RAD54L2: variants seen among roughly 807,000 people sequenced by gnomAD.
The protein encoded by RAD54L2 is helicase ARIP4.
In RAD54L2, 27 loss-of-function variants were observed where a neutral mutation model predicts 138.4. The ratio of observed to expected loss-of-function variants is 0.20; its 90% confidence interval spans 0.14 to 0.27. The LOEUF is 0.27. Among genes scored for constraint, RAD54L2 ranks in the 10% least tolerant of loss-of-function variants. The pLI is 1.00. For synonymous variants in RAD54L2, 644 were observed against 723.2 expected, an observed-to-expected ratio of 0.89 and a Z score of 1.76; for missense variants, 1,396 against 1,890.2, an observed-to-expected ratio of 0.74 and a Z score of 4.85.
intron 2 of RAD54L2, among the ~76,000 whole-genome samples, chr3:51,582,588 T>C (rs1699632246): frequency 7.2e-6 from 1 of 139,144 alleles, no homozygotes; most frequent in South Asian, 2.2e-4. Context: ...CAACTCTGCC[T>C]TTTTTTTTTT....
rs1380993313 is a variant in RAD54L2 at position 51,640,128 on chromosome 3, T to C, written c.2231+129T>C. ...TGTGAGGACCTTCTTGCATGTTGTC[T>C]GTCTCTTGGAGTTTCTTTCATTGCC... On this transcript the variant is annotated intron_variant, in intron 14 of 22. Coordinates refer to ENST00000684192, the MANE Select transcript of RAD54L2 (RefSeq NM_015106.4). 4.6e-6 allele frequency: 3 copies of C among 646,860 alleles called. No homozygotes were observed. In the East Asian group the frequency reaches 8.4e-5, roughly 18 times the overall value. 40.1% of individuals were successfully genotyped at this position (646,860 alleles called of 1,614,324 possible).
At chr3:51,642,680 GTCCC>G (rs1701170133) in intron 15 of RAD54L2, among the ~76,000 whole-genome samples, 1 of 152,152 alleles carries the variant, frequency 6.6e-6, no homozygotes, top group Admixed American at 6.5e-5. Flanking sequence ...ATTGCAAAAT[GTCCC>G]GTGGGGAGTG....
In RAD54L2 at chr3:51,643,966, C is replaced by T; in HGVS notation, c.2442C>T (p.Leu814=). 2 of 1,598,702 alleles carry T rather than the reference C, an allele frequency of 1.3e-6. No homozygotes were observed. Among genetic ancestry groups the T allele is most frequent in the Admixed American group, 1.7e-5 (1 of 57,942 alleles). ...PSNLTTWLFL[L]STRAGCLGVN... ...ACCTCACCACCTGGCTGTTCCTTCT[C>T]TCTACAAGGTGAGTGGATCCCAAGA... The change falls in exon 16 of 23, where the codon CTC becomes CTT. Residue 814 remains leucine, a synonymous_variant. Transcript: ENST00000684192.
At chr3:51,561,546 A>G (rs1010083429) in intron 2 of RAD54L2, among the ~76,000 whole-genome samples, 1 of 151,378 alleles carries the variant, frequency 6.6e-6, no homozygotes, top group Admixed American at 6.6e-5. Flanking sequence ...CGCCCGGCCG[A>G]AATTCCCTTT....
intron 3 of RAD54L2, among the ~76,000 whole-genome samples, chr3:51,621,591 T>A (rs568105786): frequency 2.6e-5 from 4 of 152,156 alleles, no homozygotes; most frequent in East Asian, 1.9e-4. Flanking sequence ...TGGCAAAAAG[T>A]TCCCCCCTGC....
At chr3:51,575,602 T>C (rs1270969577) in intron 2 of RAD54L2, among the ~76,000 whole-genome samples, 1 of 152,178 alleles carries the variant, frequency 6.6e-6, no homozygotes, top group Admixed American at 6.5e-5. Flanking sequence ...TTTATTCCCT[T>C]TGTAGCAATT....
chr3:51,591,328 G>A (rs1163543812), intron 3 of RAD54L2, among the ~76,000 whole-genome samples: 1 of 152,212 alleles, frequency 6.6e-6, no homozygotes, highest in Non-Finnish European at 1.5e-5. Flanking sequence ...TACTGACTGA[G>A]GAATAGGGTT....
At chr3:51,541,152 G>A (rs1409113870) in intron 1 of RAD54L2, 4 of 151,796 alleles carry the variant, frequency 2.6e-5, no homozygotes, top group Admixed American at 6.6e-5. Context: ...CCTCAAAAAT[G>A]CTGATGATAT....
chr3:51,663,119 C>T lies in RAD54L2; in HGVS notation c.4103C>T (p.Ser1368Phe), dbSNP rs1435884733. The change falls in exon 23 of 23, where the codon TCC becomes TTC. Residue 1368 changes from serine (S) to phenylalanine (F), a missense_variant. Physicochemically the swap from Ser to Phe is radical, Grantham distance 155. Around this residue, in one of 7 missense-constraint regions of RAD54L2, gnomAD observed 634 missense variants for 711.2 expected, o/e 0.89. Coordinates refer to ENST00000684192, the MANE Select transcript of RAD54L2 (RefSeq NM_015106.4). ...ACCTCAGTCACTGCCAGCAACCCCT[C>T]CTTCATGCTCAACCCTTCTGTGCCA... ...TATSVTASNP[S>F]FMLNPSVPGI... 1.2e-6 allele frequency: 2 copies of T among 1,614,020 alleles called. No individual in the cohort carries two copies. Among genetic ancestry groups the T allele is most frequent in the Admixed American group, 3.3e-5 (2 of 60,034 alleles).
rs141963567 is a variant in RAD54L2, at chr3:51,558,935, A to G, written c.-55+17285A>G. On this transcript the variant is annotated intron_variant, in intron 2 of 22. Transcript: ENST00000684192. ...CTTGCCCAGGCTGGAGTGCAGTGGC[A>G]TGATCTTGGCTTACTGCATTCTCTG... is the stretch of plus-strand genomic sequence containing the variant. Among the ~76,000 whole-genome samples, 652 of 152,150 alleles carry G rather than the reference A, an allele frequency of 4.3e-3. 4 individuals carry two copies. The highest frequency in any genetic ancestry group is 0.015 in the African/African-American group (622 of 41,508).
intron 2 of RAD54L2, among the ~76,000 whole-genome samples, chr3:51,566,763 T>C (rs925419789): frequency 6.6e-6 from 1 of 152,140 alleles, no homozygotes; most frequent in East Asian, 1.9e-4. Context: ...GGTTGAGATA[T>C]GTGCCTGAGC....
intron 14 of RAD54L2, among the ~76,000 whole-genome samples, chr3:51,641,326 T>A (rs1196536043): frequency 6.9e-6 from 1 of 144,258 alleles, no homozygotes; most frequent in Admixed American, 7.0e-5. Flanking sequence ...CCTTTTTTTT[T>A]TTTTTCTCCT....
chr3:51,587,555 AAAATTT>A (rs1173684928), intron 2 of RAD54L2, among the ~76,000 whole-genome samples: 3 of 152,156 alleles, frequency 2.0e-5, no homozygotes. Context: ...TATTAATGCA[AAAATTT>A]AAATTTTATT....
intron 3 of RAD54L2, among the ~76,000 whole-genome samples, chr3:51,619,304 G>A (rs952158963): frequency 6.6e-6 from 1 of 152,164 alleles, no homozygotes; most frequent in Non-Finnish European, 1.5e-5. Context: ...TGATCCGTCT[G>A]CCTTGGCCTC....
chr3:51,590,823 T>C (rs1386941035), intron 3 of RAD54L2, among the ~76,000 whole-genome samples: 1 of 152,196 alleles, frequency 6.6e-6, no homozygotes, highest in African/African-American at 2.4e-5. Context: ...GGTCCAGAGA[T>C]TCGAGTGTTG....
At chr3:51,657,504 G>A (rs1701633190) in intron 20 of RAD54L2, 76 bp from the exon 21 acceptor site, 4 of 940,522 alleles carry the variant, frequency 4.3e-6, no homozygotes, top group Non-Finnish European at 6.7e-6. Context: ...TGGGGTAGAT[G>A]TGGGACTTTG....
intron 3 of RAD54L2, among the ~76,000 whole-genome samples, chr3:51,609,148 A>G (rs796625640): frequency 1.2e-4 from 19 of 152,276 alleles, no homozygotes; most frequent in African/African-American, 4.6e-4. Context: ...AAGTGCTGGG[A>G]TTACAGGTGT....
chr3:51,563,307 C>T (rs972328970), intron 2 of RAD54L2, among the ~76,000 whole-genome samples: 1 of 152,140 alleles, frequency 6.6e-6, no homozygotes, highest in Admixed American at 6.5e-5. Context: ...GATTTTGGCA[C>T]CTGGCTGTAT....
chr3:51,569,301 T>G (rs944280714), intron 2 of RAD54L2, among the ~76,000 whole-genome samples: 5 of 152,214 alleles, frequency 3.3e-5, no homozygotes, highest in African/African-American at 1.2e-4. Flanking sequence ...AATTTAAAAT[T>G]CTAACAGCTT....
Sources: gnomAD v4.1 joint callset for allele counts (sites outside exome capture counted in the v4.1 genomes callset) on GRCh38, gnomAD v4.1.1 for gene constraint, gnomAD v4.1.1 regional missense constraint, MANE v1.5 for transcripts, NCBI Gene and HGNC (gene_info 2026-07-23, HGNC 2026-07-21) for gene names.